The following DCBLD1 variants were observed in gnomAD, a reference collection of about 807,000 sequenced individuals.
DCBLD1 encodes the protein discoidin, CUB and LCCL domain containing 1, also known as discoidin, CUB and LCCL domain-containing protein 1.
DCBLD1 carries 57 observed loss-of-function variants against 71.5 expected under a neutral mutation model. The ratio of observed to expected loss-of-function variants is 0.80; its 90% CI spans 0.64 to 0.99. The LOEUF (loss-of-function observed/expected upper bound fraction) is 0.99. Among genes scored for constraint, DCBLD1 ranks in the 50% least tolerant of loss-of-function variants. DCBLD1 has a pLI of 0.00. For missense variants in DCBLD1, 891 were observed against 923.5 expected (o/e 0.96, Z 0.46); for synonymous variants, 380 against 363.8 (o/e 1.04, Z -0.51).
chr6:117,528,837 C>T (rs141585667), intron 5 of DCBLD1, among the ~76,000 whole-genome samples: 47 of 152,164 alleles, frequency 3.1e-4, no homozygotes, highest in African/African-American at 1.1e-3. Context: ...TAGGGAAGCT[C>T]GTTGTTTTTT....
chr6:117,484,258 G>C (rs1284509235), intron 1 of DCBLD1, among the ~76,000 whole-genome samples: 1 of 152,166 alleles, frequency 6.6e-6, no homozygotes, highest in Non-Finnish European at 1.5e-5. Context: ...TTTAGATTTT[G>C]TATGGTCATC....
chr6:117,533,084 GC>G (rs891927150), intron 6 of DCBLD1, among the ~76,000 whole-genome samples: 8 of 152,096 alleles, frequency 5.3e-5, no homozygotes, highest in Admixed American at 3.3e-4. Flanking sequence ...GTTCAGAATG[GC>G]CAAGTGGGAG....
At chr6:117,541,174 T>C in intron 11 of DCBLD1, 149 bp downstream of exon 11, 1 of 676,148 alleles carries the variant, frequency 1.5e-6, no homozygotes, top group Non-Finnish European at 2.5e-6. Context: ...AAATGATGTA[T>C]GTTTACAGCT....
intron 14 of DCBLD1, among the ~76,000 whole-genome samples, chr6:117,547,116 T>C (rs769410215): frequency 6.6e-6 from 1 of 152,310 alleles, no homozygotes; most frequent in East Asian, 1.9e-4. Context: ...TTTGATCTTT[T>C]CCTCTTGGGT....
intron 14 of DCBLD1, chr6:117,567,043 G>C (rs1362320746): frequency 1.3e-6 from 2 of 1,543,556 alleles, no homozygotes; most frequent in Non-Finnish European, 1.7e-6. Flanking sequence ...CTCTAAAACA[G>C]GAAATGAAAA....
chr6:117,506,064 GTATTAT>G (rs974995382), intron 2 of DCBLD1, among the ~76,000 whole-genome samples: 4 of 152,106 alleles, frequency 2.6e-5, no homozygotes, highest in Non-Finnish European at 5.9e-5. Context: ...ATGCTCATCT[GTATTAT>G]TATTATCATT....
chr6:117,507,048 G>T (rs907855504), intron 2 of DCBLD1, among the ~76,000 whole-genome samples: 1 of 152,174 alleles, frequency 6.6e-6, no homozygotes, highest in African/African-American at 2.4e-5. Context: ...ATTTGAATGT[G>T]GAGTTAATGT....
At chr6:117,507,314 A>G (rs1777875675) in intron 2 of DCBLD1, among the ~76,000 whole-genome samples, 1 of 152,196 alleles carries the variant, frequency 6.6e-6, no homozygotes, top group Non-Finnish European at 1.5e-5. Flanking sequence ...CACCCACAAC[A>G]ACTTTCACAG....
intron 1 of DCBLD1, among the ~76,000 whole-genome samples, chr6:117,483,265 G>A (rs1776966429): frequency 6.6e-6 from 1 of 152,212 alleles, no homozygotes; most frequent in Non-Finnish European, 1.5e-5. Flanking sequence ...TCGCCTTAGG[G>A]GACAGCCGTG....
chr6:117,544,340 A>G, intron 12 of DCBLD1, 188 bp from the exon 13 acceptor site: 1 of 488,484 alleles, frequency 2.0e-6, no homozygotes, highest in South Asian at 5.1e-5. Flanking sequence ...CTTTCTTATA[A>G]ATGAGATAAA....
chr6:117,520,043 T>C, intron 3 of DCBLD1, 93 bp downstream of exon 3: 2 of 1,563,190 alleles, frequency 1.3e-6, no homozygotes, highest in Non-Finnish European at 1.7e-6. Flanking sequence ...AATTGTGGAC[T>C]CAGATGCAGA....
At chr6:117,516,346 C>T (rs913771034) in intron 2 of DCBLD1, among the ~76,000 whole-genome samples, 9 of 147,022 alleles carry the variant, frequency 6.1e-5, no homozygotes, top group Middle Eastern at 3.2e-3. Context: ...GGGGACAGAG[C>T]GAGACTCCAT....
chr6:117,534,231 A>G (rs1398947989), intron 6 of DCBLD1, among the ~76,000 whole-genome samples: 1 of 151,926 alleles, frequency 6.6e-6, no homozygotes, highest in African/African-American at 2.4e-5. Context: ...TAAAATCTTC[A>G]CTCAATAAAA....
intron 2 of DCBLD1, 132 bp from the exon 3 acceptor site, chr6:117,519,684 A>C (rs1778319277): frequency 8.3e-7 from 1 of 1,199,258 alleles, no homozygotes; most frequent in Non-Finnish European, 1.1e-6. Context: ...GCTAAATTTC[A>C]GTTGGTAAAG....
At chr6:117,535,413 C>T (rs771968613) in intron 6 of DCBLD1, among the ~76,000 whole-genome samples, 1 of 152,140 alleles carries the variant, frequency 6.6e-6, no homozygotes, top group African/African-American at 2.4e-5. Context: ...TGAATTCATT[C>T]ACTCTAATGT....
intron 2 of DCBLD1, among the ~76,000 whole-genome samples, chr6:117,517,016 A>G (rs927474348): frequency 3.9e-5 from 6 of 152,288 alleles, no homozygotes; most frequent in South Asian, 4.2e-4. Flanking sequence ...TTCAAAATCA[A>G]TCATGCCTTC....
chr6:117,516,189 TAA>T (rs75487224), intron 2 of DCBLD1, among the ~76,000 whole-genome samples: 4 of 140,330 alleles, frequency 2.9e-5, no homozygotes, highest in Non-Finnish European at 4.7e-5. Flanking sequence ...CCATCTCTAC[TAA>T]AAAAAAAAAA....
intron 2 of DCBLD1, among the ~76,000 whole-genome samples, chr6:117,510,251 A>G (rs1777972647): frequency 6.6e-6 from 1 of 151,816 alleles, no homozygotes; most frequent in Admixed American, 6.6e-5. Context: ...GGCCTAGTAC[A>G]TTTTTACAGT....
At chr6:117,507,826 A>G (rs1400472380) in intron 2 of DCBLD1, among the ~76,000 whole-genome samples, 2 of 152,206 alleles carry the variant, frequency 1.3e-5, no homozygotes, top group South Asian at 4.1e-4. Flanking sequence ...CTGGGCAGAC[A>G]TAATACTACT....
Sources: allele counts gnomAD v4.1 joint callset (sites outside exome capture counted in the v4.1 genomes callset), GRCh38; gene constraint gnomAD v4.1.1; transcripts MANE v1.5; gene names NCBI Gene and HGNC (gene_info 2026-07-23, HGNC 2026-07-21).